RSPO2: variants seen among roughly 807,000 people sequenced by gnomAD.
RSPO2 encodes R-spondin 2.
In RSPO2, 14 loss-of-function variants were observed where a neutral mutation model predicts 30.9. That is an observed-to-expected ratio of 0.45 (90% confidence interval 0.30 to 0.71). The LOEUF (loss-of-function observed/expected upper bound fraction) is 0.71, where lower values mean the gene tolerates loss of function less well. RSPO2 is among the 30% of genes least tolerant of loss of function. The pLI is 0.08. For synonymous variants in RSPO2, 107 were observed against 96.4 expected (o/e 1.11, Z -0.64); for missense variants, 264 against 301.9 (o/e 0.87, Z 0.93).
rs780784434 is a variant in RSPO2, at chr8:107,930,984, C to T, written c.616+27096G>A. ...AGGCAGCTGTTTTAACCAAACTGTG[C>T]TAATTTGTTTCAGGGAATACATAAA... On this transcript the variant is annotated intron_variant, in intron 5 of 5. Coordinates refer to ENST00000276659, the MANE Select transcript of RSPO2 (RefSeq NM_178565.5). Among the ~76,000 whole-genome samples, 182 of 152,252 alleles carry T rather than the reference C, an allele frequency of 1.2e-3. 1 individual carries two copies. Among genetic ancestry groups the T allele is most frequent in the Non-Finnish European group, 3.1e-4 (21 of 68,028 alleles).
chr8:108,062,846 C>T (rs557343561), intron 2 of RSPO2, among the ~76,000 whole-genome samples: 1 of 151,834 alleles, frequency 6.6e-6, no homozygotes, highest in Non-Finnish European at 1.5e-5. Flanking sequence ...ATCAAGTGGG[C>T]TTCATCCCTG....
At chr8:107,993,291 A>G (rs1274296368) in intron 2 of RSPO2, among the ~76,000 whole-genome samples, 1 of 152,222 alleles carries the variant, frequency 6.6e-6, no homozygotes, top group East Asian at 1.9e-4. Context: ...AAGATGTAAT[A>G]TATGTATAAA....
At chr8:107,991,776 T>C (rs1269871579) in intron 2 of RSPO2, among the ~76,000 whole-genome samples, 4 of 152,064 alleles carry the variant, frequency 2.6e-5, no homozygotes, top group Admixed American at 1.3e-4. Context: ...CCAACAATCA[T>C]ATGAAAAAAC....
At chr8:108,003,303 ATATATATATTTTTTTTTT>A (rs1484745963) in intron 2 of RSPO2, among the ~76,000 whole-genome samples, 220 of 27,122 alleles carry the variant, frequency 8.1e-3, no homozygotes, top group Non-Finnish European at 0.013. Flanking sequence ...ATATATATAT[ATATATATATTTTTTTTTT>A]TTTTTTTTTT....
intron 5 of RSPO2, among the ~76,000 whole-genome samples, chr8:107,938,950 A>AT (rs1242457210): frequency 1.3e-5 from 2 of 152,156 alleles, no homozygotes; most frequent in Non-Finnish European, 2.9e-5. Context: ...CTGTTATTGC[A>AT]TTTTTAATGA....
intron 5 of RSPO2, among the ~76,000 whole-genome samples, chr8:107,940,935 GA>G (rs1812876143): frequency 6.6e-6 from 1 of 151,964 alleles, no homozygotes; most frequent in Non-Finnish European, 1.5e-5. Context: ...CAAACAATTG[GA>G]ATCAGCGGTT....
intron 4 of RSPO2, 125 bp downstream of exon 4, chr8:107,960,549 T>C (rs1813593308): frequency 1.1e-6 from 1 of 895,564 alleles, no homozygotes; most frequent in African/African-American, 1.7e-5. Flanking sequence ...GAACTTAATT[T>C]TCAGTTCTAC....
intron 5 of RSPO2, among the ~76,000 whole-genome samples, chr8:107,923,271 A>G (rs1293380192): frequency 6.6e-6 from 1 of 152,216 alleles, no homozygotes; most frequent in Non-Finnish European, 1.5e-5. Context: ...GGACATGAAC[A>G]GATGCTTTTC....
At chr8:108,071,478 T>A (rs1343789702) in intron 2 of RSPO2, among the ~76,000 whole-genome samples, 1 of 152,174 alleles carries the variant, frequency 6.6e-6, no homozygotes, top group South Asian at 2.1e-4. Context: ...AATTACGTAG[T>A]TTCTTGACCC....
chr8:107,993,397 A>G (rs1247980003), intron 2 of RSPO2, among the ~76,000 whole-genome samples: 1 of 152,218 alleles, frequency 6.6e-6, no homozygotes, highest in East Asian at 1.9e-4. Context: ...AATAAAAAGG[A>G]TAATACAGAT....
intron 2 of RSPO2, among the ~76,000 whole-genome samples, chr8:107,993,832 A>C (rs1193111090): frequency 6.6e-6 from 1 of 152,158 alleles, no homozygotes; most frequent in Admixed American, 6.6e-5. Context: ...AGTTACATGA[A>C]GTCAATCCCT....
chr8:107,953,341 C>G (rs1229053934), intron 5 of RSPO2, among the ~76,000 whole-genome samples: 1 of 152,130 alleles, frequency 6.6e-6, no homozygotes, highest in African/African-American at 2.4e-5. Flanking sequence ...TTTCCCCCCA[C>G]TACCAACCAA....
intron 3 of RSPO2, among the ~76,000 whole-genome samples, chr8:107,964,375 G>A (rs749165234): frequency 3.3e-5 from 5 of 152,190 alleles, no homozygotes; most frequent in African/African-American, 1.2e-4. Context: ...CCCAGTAGCT[G>A]AGATTACAGG....
intron 2 of RSPO2, among the ~76,000 whole-genome samples, chr8:108,063,254 G>A (rs900059948): frequency 3.3e-5 from 5 of 151,810 alleles, no homozygotes; most frequent in Admixed American, 3.3e-4. Flanking sequence ...CCCGTTTGAA[G>A]ATGACATGAT....
chr8:107,929,029 C>T (rs939617394), intron 5 of RSPO2, among the ~76,000 whole-genome samples: 1 of 152,174 alleles, frequency 6.6e-6, no homozygotes, highest in Non-Finnish European at 1.5e-5. Flanking sequence ...AAAGGCTGGA[C>T]CGCATGCCCT....
chr8:107,976,484 T>C (rs868210999), intron 3 of RSPO2, among the ~76,000 whole-genome samples: 2 of 152,204 alleles, frequency 1.3e-5, no homozygotes, highest in Admixed American at 6.5e-5. Context: ...ATAGGATTCT[T>C]AGGAGAGTAT....
intron 3 of RSPO2, among the ~76,000 whole-genome samples, chr8:107,980,466 C>T (rs145338770): frequency 0.011 from 1,706 of 152,230 alleles, 37 homozygotes; most frequent in African/African-American, 0.038. Context: ...ATATTATAGG[C>T]TTCTAAAATG....
chr8:108,082,463 C>G (rs1359218508), intron 2 of RSPO2, 82 bp downstream of exon 2: 8 of 1,060,008 alleles, frequency 7.5e-6, no homozygotes, highest in South Asian at 4.0e-5. Context: ...ACCATCTGAG[C>G]CCCCGGAGCC....
chr8:107,942,396 T>TA (rs530817665), intron 5 of RSPO2, among the ~76,000 whole-genome samples: 3 of 152,212 alleles, frequency 2.0e-5, no homozygotes, highest in Non-Finnish European at 4.4e-5. Context: ...TCCTAAGAGA[T>TA]ACAGTGTTAT....
Sources: gnomAD v4.1 joint callset for allele counts (sites outside exome capture counted in the v4.1 genomes callset) on GRCh38, gnomAD v4.1.1 for gene constraint, MANE v1.5 for transcripts, NCBI Gene and HGNC (gene_info 2026-07-23, HGNC 2026-07-21) for gene names.